PTPRN2: variants seen among roughly 807,000 people sequenced by gnomAD.
PTPRN2 encodes protein tyrosine phosphatase receptor type N2.
PTPRN2 carries 74 observed loss-of-function variants against 118.8 expected under a neutral mutation model. The observed-to-expected ratio is 0.62, with a 90% CI of 0.52 to 0.76. The LOEUF (loss-of-function observed/expected upper bound fraction) is 0.76, where lower values mean the gene tolerates loss of function less well. Among genes scored for constraint, PTPRN2 ranks in the 30% least tolerant of loss-of-function variants. PTPRN2 has a pLI of 0.00. For missense variants in PTPRN2, 1,481 were observed against 1,394.4 expected, an observed-to-expected ratio of 1.06 and a Z score of -0.99; for synonymous variants, 641 against 608.0, an observed-to-expected ratio of 1.05 and a Z score of -0.80.
chr7:157,875,778 C>T lies in PTPRN2; in HGVS notation c.1788+22895G>A, dbSNP rs571780808. 1.1e-4 allele frequency among the ~76,000 whole-genome samples: 17 copies of T among 149,120 alleles called. No individual in the cohort carries two copies. The East Asian group carries it at 2.4e-3, about 21-fold the overall frequency. On this transcript the variant is annotated intron_variant, in intron 12 of 22. Coordinates refer to ENST00000389418, the MANE Select transcript of PTPRN2 (RefSeq NM_002847.5). ...GGTCAGGAGGGGCCGAGCCCCCAGG[C>T]CAGGCATCCCCAGGGTGGGCACCGG...
chr7:158,402,201 C>T (rs1812997109), intron 2 of PTPRN2, among the ~76,000 whole-genome samples: 1 of 152,172 alleles, frequency 6.6e-6, no homozygotes, highest in East Asian at 1.9e-4. Flanking sequence ...CCACATACAT[C>T]TTGTGGGACT....
At position 157,929,859 on chromosome 7, in the gene PTPRN2, G is replaced by A. The variant is rs1171862692; in HGVS notation, c.1724-31122C>T. 2.0e-5 allele frequency among the ~76,000 whole-genome samples: 3 copies of A among 151,876 alleles called. No homozygotes were observed. The highest frequency in any genetic ancestry group is 4.4e-5 in the Non-Finnish European group (3 of 67,910). ...GACACCAGGCACTGGAGGTCGGCAC[G>A]CTTATTGTAATGAATCTGAAGGCAG... On this transcript the variant is annotated intron_variant, in intron 11 of 22. Coordinates refer to ENST00000389418, the MANE Select transcript of PTPRN2 (RefSeq NM_002847.5). The surrounding 1 kb of genome is among the most constrained non-coding windows in gnomAD (Gnocchi z 4.4).
At chr7:158,571,905 AG>A in intron 1 of PTPRN2, among the ~76,000 whole-genome samples, 1 of 152,354 alleles carries the variant, frequency 6.6e-6, no homozygotes, top group African/African-American at 2.4e-5. Context: ...TCCCGAGCCA[AG>A]AACAGTATAT....
chr7:157,659,996 A>C (rs1421440877), intron 13 of PTPRN2, among the ~76,000 whole-genome samples: 1 of 152,078 alleles, frequency 6.6e-6, no homozygotes, highest in Non-Finnish European at 1.5e-5. Flanking sequence ...CCACCCAATG[A>C]GGGATGATTT....
intron 12 of PTPRN2, among the ~76,000 whole-genome samples, chr7:157,683,429 T>C (rs1446689566): frequency 6.6e-6 from 1 of 152,208 alleles, no homozygotes; most frequent in East Asian, 1.9e-4. Context: ...AACGTGGGAC[T>C]GGCTCTGTGC....
At chr7:158,285,954 A>T (rs61420854) in intron 3 of PTPRN2, among the ~76,000 whole-genome samples, 1,302 of 112,296 alleles carry the variant, frequency 0.012, 23 homozygotes, top group African/African-American at 0.034. Flanking sequence ...CTATGCAGCA[A>T]GCTAAACACA....
chr7:158,301,963 C>T (rs1258066433), intron 3 of PTPRN2, among the ~76,000 whole-genome samples: 1 of 152,084 alleles, frequency 6.6e-6, no homozygotes, highest in East Asian at 1.9e-4. Context: ...AAAAGCAATC[C>T]CCTGTCCCAT....
At chr7:158,249,783 G>T (rs1284357495) in intron 3 of PTPRN2, among the ~76,000 whole-genome samples, 2 of 152,224 alleles carry the variant, frequency 1.3e-5, no homozygotes, top group African/African-American at 4.8e-5. Flanking sequence ...TCATTGCCAA[G>T]CATCATTCAC....
chr7:157,594,825 G>A (rs543427922), intron 17 of PTPRN2, among the ~76,000 whole-genome samples: 101 of 152,296 alleles, frequency 6.6e-4, no homozygotes, highest in African/African-American at 2.1e-3. Context: ...AGAGAAGCAC[G>A]GCCTGGCCTT....
At chr7:158,273,460 G>GCAGGGGGAGCCACAGGCA (rs1798660526) in intron 3 of PTPRN2, among the ~76,000 whole-genome samples, 1 of 62,352 alleles carries the variant, frequency 1.6e-5, no homozygotes, top group African/African-American at 8.9e-5. Flanking sequence ...AGCCGCAGAC[G>GCAGGGGGAGCCACAGGCA]CAGGGGGAGC....
intron 10 of PTPRN2, among the ~76,000 whole-genome samples, chr7:158,100,409 G>C (rs1027139895): frequency 6.6e-6 from 1 of 152,140 alleles, no homozygotes; most frequent in African/African-American, 2.4e-5. Flanking sequence ...TTGTCCTCCA[G>C]GTAGATACCC....
At chr7:157,710,495 C>A (rs921527337) in intron 12 of PTPRN2, among the ~76,000 whole-genome samples, 2 of 150,804 alleles carry the variant, frequency 1.3e-5, no homozygotes, top group Non-Finnish European at 3.0e-5. Flanking sequence ...CCCCCCGCCC[C>A]GTGGCACAGG....
intron 3 of PTPRN2, among the ~76,000 whole-genome samples, chr7:158,244,836 C>CGTCT (rs10667363): frequency 2.0e-5 from 3 of 151,206 alleles, no homozygotes; most frequent in African/African-American, 7.3e-5. Flanking sequence ...GAGTTGTGCA[C>CGTCT]ATGTGAGTGT....
chr7:157,669,806 C>T (rs911337934), intron 13 of PTPRN2, among the ~76,000 whole-genome samples: 10 of 152,214 alleles, frequency 6.6e-5, no homozygotes, highest in Admixed American at 1.3e-4. Context: ...CCCATCCCTG[C>T]GGCGCCCAGA....
At chr7:158,243,293 A>C (rs1414302481) in intron 3 of PTPRN2, among the ~76,000 whole-genome samples, 1 of 152,208 alleles carries the variant, frequency 6.6e-6, no homozygotes, top group East Asian at 1.9e-4. Context: ...CTTCTCTCCC[A>C]AAATTAATCA....
chr7:157,654,795 T>C (rs1805960978), intron 14 of PTPRN2, among the ~76,000 whole-genome samples: 1 of 152,210 alleles, frequency 6.6e-6, no homozygotes, highest in Non-Finnish European at 1.5e-5. Context: ...ATCAAATTGT[T>C]ACTCAAGCAC....
At chr7:158,126,476 C>T (rs1169772602) in intron 9 of PTPRN2, among the ~76,000 whole-genome samples, 1 of 53,076 alleles carries the variant, frequency 1.9e-5, no homozygotes, top group Non-Finnish European at 3.5e-5. Flanking sequence ...ACTTCCTCTC[C>T]GCCACACCAG....
At chr7:158,208,554 A>G (rs1827338719) in intron 3 of PTPRN2, among the ~76,000 whole-genome samples, 1 of 152,212 alleles carries the variant, frequency 6.6e-6, no homozygotes, top group Non-Finnish European at 1.5e-5. Context: ...TATATCCAAC[A>G]AAAATGCATT....
intron 17 of PTPRN2, among the ~76,000 whole-genome samples, chr7:157,580,991 A>G (rs1377671686): frequency 9.7e-6 from 1 of 103,518 alleles, no homozygotes; most frequent in African/African-American, 3.9e-5. Flanking sequence ...TGCACACCCC[A>G]GCACCTGCAC....
Sources: allele counts gnomAD v4.1 joint callset (sites outside exome capture counted in the v4.1 genomes callset), GRCh38; gene constraint gnomAD v4.1.1; non-coding constraint Gnocchi (gnomAD v3.1); transcripts MANE v1.5; gene names NCBI Gene and HGNC (gene_info 2026-07-23, HGNC 2026-07-21).